FOXO3: variants seen among roughly 807,000 people sequenced by gnomAD.
FOXO3 encodes the protein forkhead box O3, also known as forkhead box protein O3.
A neutral mutation model predicts 41.9 loss-of-function variants in FOXO3; 4 were observed. The ratio of observed to expected loss-of-function variants is 0.10; its 90% CI spans 0.05 to 0.22. FOXO3 has a LOEUF of 0.22. Ranked by LOEUF, FOXO3 falls within the 10% of genes least tolerant of loss-of-function variation. The pLI, the probability that FOXO3 is intolerant of heterozygous loss-of-function variation, is 1.00. For missense variants in FOXO3, 534 were observed against 906.8 expected, an observed-to-expected ratio of 0.59 and a Z score of 5.28; for synonymous variants, 318 against 389.3, an observed-to-expected ratio of 0.82 and a Z score of 2.16.
intron 1 of FOXO3, among the ~76,000 whole-genome samples, chr6:108,594,163 C>G (rs542174365): frequency 2.0e-5 from 3 of 152,180 alleles, no homozygotes; most frequent in Admixed American, 2.0e-4. Context: ...TTTCCCTCCC[C>G]CAAAAGTTGT....
Position 108,589,945 on chromosome 6 carries a change from A to AT in FOXO3, c.621+28123dup, listed in dbSNP as rs1448919369. On this transcript the variant is annotated intron_variant, in intron 1 of 2. Coordinates refer to ENST00000406360, the MANE Select transcript of FOXO3 (RefSeq NM_001455.4). ...ATGAACTGTTGCAAGAGCAGGTGCT[A>AT]TTTTTTTCCAGAAACTTTTTTATCC... 3.3e-5 allele frequency among the ~76,000 whole-genome samples: 5 copies of AT among 152,268 alleles called. 1 individual carries two copies. The South Asian group carries it at 6.2e-4, about 19-fold the overall frequency.
At chr6:108,653,320 G>A (rs1230070638) in intron 1 of FOXO3, among the ~76,000 whole-genome samples, 2 of 152,156 alleles carry the variant, frequency 1.3e-5, no homozygotes, top group African/African-American at 4.8e-5. Flanking sequence ...GCCCTCTGCC[G>A]GGTGCTAAAG....
chr6:108,567,665 T>G (rs113032762), intron 1 of FOXO3, among the ~76,000 whole-genome samples: 5,476 of 152,192 alleles, frequency 0.036, 137 homozygotes, highest in Middle Eastern at 0.096. Context: ...ATTTTAACAC[T>G]TTGGGAGGCC....
Position 108,616,156 on chromosome 6 carries a change from GTTTTTTTTTTTTTT to G in FOXO3, c.622-47286_622-47273del, listed in dbSNP as rs35632295. Among the ~76,000 whole-genome samples the G allele has an allele frequency of 2.2e-4, 12 of 55,158 alleles. No individual in the cohort carries two copies. In the South Asian group the frequency reaches 0.011, roughly 53 times the overall value. The allele number at this position is 55,158 out of a possible 152,430, so 36.2% of individuals were successfully genotyped here. A position where few individuals can be genotyped will look rare whatever the true frequency, so the allele number is the denominator to read the frequency against. On this transcript the variant is annotated intron_variant, in intron 1 of 2. Transcript: ENST00000406360. The stretch of plus-strand genomic sequence containing the variant: ...GTATGTGCCATCACGCCCAACTAAG[GTTTTTTTTTTTTTT>G]TTTTTTTTTTTTGAGATAGAGTCTC...
chr6:108,607,758 G>C (rs1777248033), intron 1 of FOXO3, among the ~76,000 whole-genome samples: 1 of 152,118 alleles, frequency 6.6e-6, no homozygotes, highest in Non-Finnish European at 1.5e-5. Context: ...GCTTACTTCA[G>C]ATGCTAAGGA....
At chr6:108,606,187 A>T (rs1777194995) in intron 1 of FOXO3, among the ~76,000 whole-genome samples, 1 of 152,214 alleles carries the variant, frequency 6.6e-6, no homozygotes. Context: ...ACTCATCAGA[A>T]CCTCTTCCCT....
intron 2 of FOXO3, among the ~76,000 whole-genome samples, chr6:108,674,581 T>C (rs1474091851): frequency 6.6e-6 from 1 of 152,194 alleles, no homozygotes; most frequent in African/African-American, 2.4e-5. Flanking sequence ...GGTGAGTGAC[T>C]TAAGAATTGA....
At chr6:108,583,921 C>T (rs995696027) in intron 1 of FOXO3, among the ~76,000 whole-genome samples, 18 of 151,762 alleles carry the variant, frequency 1.2e-4, no homozygotes, top group Non-Finnish European at 2.5e-4. Flanking sequence ...TGTTGGTCAC[C>T]CAGATGGTTG....
chr6:108,671,032 C>T (rs749754577), intron 2 of FOXO3, among the ~76,000 whole-genome samples: 1 of 152,194 alleles, frequency 6.6e-6, no homozygotes, highest in Non-Finnish European at 1.5e-5. Flanking sequence ...GTGGCAGTGG[C>T]GATGACAGTT....
intron 2 of FOXO3, among the ~76,000 whole-genome samples, chr6:108,667,039 C>G (rs1181355617): frequency 6.6e-6 from 1 of 152,174 alleles, no homozygotes; most frequent in Non-Finnish European, 1.5e-5. Flanking sequence ...ATGGTGAGCT[C>G]ACTCCAGCTC....
chr6:108,613,613 C>A lies in FOXO3; in HGVS notation c.622-49842C>A, dbSNP rs74570093. On this transcript the variant is annotated intron_variant, in intron 1 of 2. Coordinates refer to ENST00000406360, the MANE Select transcript of FOXO3 (RefSeq NM_001455.4). ...CTGATGTTGATAATTTGTCTTAACT[C>A]CCTTTCCCCCTCATTCCTTATCTGT... 9.1e-4 allele frequency among the ~76,000 whole-genome samples: 138 copies of A among 152,194 alleles called. 4 individuals carry two copies. In the East Asian group the frequency reaches 0.024, roughly 26 times the overall value.
At chr6:108,561,883 C>G in intron 1 of FOXO3, 54 bp downstream of exon 1, 1 of 1,483,686 alleles carries the variant, frequency 6.7e-7, no homozygotes, top group Non-Finnish European at 8.9e-7. Context: ...CTGCGCAGCG[C>G]GAGACGCGTC....
chr6:108,626,772 A>AAG (rs1242472736), intron 1 of FOXO3, among the ~76,000 whole-genome samples: 2 of 152,354 alleles, frequency 1.3e-5, no homozygotes, highest in Middle Eastern at 3.4e-3. Flanking sequence ...TTTTATATCC[A>AAG]CTGTAAACTT....
At chr6:108,599,407 A>G (rs926580130) in intron 1 of FOXO3, among the ~76,000 whole-genome samples, 3 of 152,210 alleles carry the variant, frequency 2.0e-5, no homozygotes, top group African/African-American at 7.2e-5. Flanking sequence ...ATTATTTCTT[A>G]TTTGAACGGT....
intron 2 of FOXO3, among the ~76,000 whole-genome samples, chr6:108,672,935 A>G (rs142437951): frequency 6.6e-6 from 1 of 152,272 alleles, no homozygotes; most frequent in East Asian, 1.9e-4. Flanking sequence ...TAAGAAGAGA[A>G]GGCCAGAGGT....
At chr6:108,564,869 T>C (rs768473783) in intron 1 of FOXO3, among the ~76,000 whole-genome samples, 2 of 152,196 alleles carry the variant, frequency 1.3e-5, no homozygotes, top group African/African-American at 2.4e-5. Flanking sequence ...ACCCTCTTAT[T>C]TTACTGGTGA....
chr6:108,601,402 C>T (rs557963428), intron 1 of FOXO3, among the ~76,000 whole-genome samples: 46 of 152,308 alleles, frequency 3.0e-4, no homozygotes, highest in African/African-American at 1.1e-3. Context: ...CTCCTGGTTT[C>T]AAGTGATTCT....
At chr6:108,659,123 G>A (rs537737734) in intron 1 of FOXO3, among the ~76,000 whole-genome samples, 4 of 152,166 alleles carry the variant, frequency 2.6e-5, no homozygotes, top group African/African-American at 9.6e-5. Context: ...GAGCTCAAGC[G>A]ATCCGTCTGC....
chr6:108,623,685 GCTGT>G (rs1777734632), intron 1 of FOXO3, among the ~76,000 whole-genome samples: 2 of 152,184 alleles, frequency 1.3e-5, no homozygotes, highest in Admixed American at 6.5e-5. Flanking sequence ...ACCAGTTTGT[GCTGT>G]CTGTCAAGGA....
Sources: allele counts gnomAD v4.1 joint callset (sites outside exome capture counted in the v4.1 genomes callset), GRCh38; gene constraint gnomAD v4.1.1; transcripts MANE v1.5; gene names NCBI Gene and HGNC (gene_info 2026-07-23, HGNC 2026-07-21).